Variants in CDK14 observed in about 807,000 individuals in gnomAD.
CDK14 encodes cyclin dependent kinase 14.
CDK14 carries 34 observed loss-of-function variants against 60.7 expected under a neutral mutation model. That is an observed-to-expected ratio of 0.56 (90% CI 0.43 to 0.75). The LOEUF (loss-of-function observed/expected upper bound fraction) is 0.75, where lower values mean the gene tolerates loss of function less well. CDK14 is among the 30% of genes least tolerant of loss of function. CDK14 has a pLI of 0.00. For synonymous variants in CDK14, 197 were observed against 203.7 expected (o/e 0.97, Z 0.28); for missense variants, 482 against 564.1 (o/e 0.85, Z 1.47).
At chr7:90,829,885 C>T (rs1176862886) in intron 5 of CDK14, among the ~76,000 whole-genome samples, 1 of 152,188 alleles carries the variant, frequency 6.6e-6, no homozygotes, top group Non-Finnish European at 1.5e-5. Context: ...TATCTCACAT[C>T]CAGGGCACTC....
intron 10 of CDK14, among the ~76,000 whole-genome samples, chr7:90,994,797 T>C (rs1417638444): frequency 6.6e-6 from 1 of 152,202 alleles, no homozygotes; most frequent in Non-Finnish European, 1.5e-5. Context: ...TGTGTCAGAC[T>C]GAAAAAGATG....
At chr7:90,616,693 T>C (rs1799657262) in intron 2 of CDK14, among the ~76,000 whole-genome samples, 1 of 152,204 alleles carries the variant, frequency 6.6e-6, no homozygotes, top group Non-Finnish European at 1.5e-5. Context: ...AATAAATGTG[T>C]ACTTGCAAGA....
intron 5 of CDK14, among the ~76,000 whole-genome samples, chr7:90,810,647 A>C (rs1275803000): frequency 6.6e-6 from 1 of 152,222 alleles, no homozygotes; most frequent in African/African-American, 2.4e-5. Flanking sequence ...AATAAAGGGT[A>C]TTCAATTAGG....
chr7:90,663,543 A>G (rs1800907382), intron 2 of CDK14, among the ~76,000 whole-genome samples: 1 of 152,196 alleles, frequency 6.6e-6, no homozygotes, highest in Non-Finnish European at 1.5e-5. Flanking sequence ...TTCTAGTGTG[A>G]GAAACTAGAA....
chr7:90,809,889 G>T (rs181630756), intron 5 of CDK14, among the ~76,000 whole-genome samples: 2 of 152,128 alleles, frequency 1.3e-5, no homozygotes, highest in East Asian at 1.9e-4. Context: ...ATAAATTCCT[G>T]GACACATACA....
rs987102817 is a variant in CDK14 at position 90,700,282 on chromosome 7, C to T, written c.124-26285C>T. Among the ~76,000 whole-genome samples the T allele has an allele frequency of 2.6e-5, 4 of 152,038 alleles. No homozygotes were observed. In the East Asian group the frequency reaches 7.7e-4, roughly 29 times the overall value. On this transcript the variant is annotated intron_variant, in intron 2 of 14. Transcript: ENST00000380050. ...CTGATTTTTGTATTTTTAGTAGAGA[C>T]GGGGTTTCACCATGTTGGCCAGGAT...
chr7:90,733,652 G>A (rs112651304), intron 3 of CDK14, among the ~76,000 whole-genome samples: 2,339 of 152,028 alleles, frequency 0.015, 21 homozygotes, highest in Middle Eastern at 0.027. Flanking sequence ...GTTGCTTTCC[G>A]TTTGGTTGGT....
chr7:90,940,810 T>G (rs905372514), intron 8 of CDK14, among the ~76,000 whole-genome samples: 5 of 152,088 alleles, frequency 3.3e-5, no homozygotes, highest in Non-Finnish European at 7.4e-5. Context: ...TATATCTATC[T>G]ATATCTGTAT....
chr7:90,607,947 G>A (rs1362435405), intron 2 of CDK14, among the ~76,000 whole-genome samples: 1 of 152,158 alleles, frequency 6.6e-6, no homozygotes, highest in Non-Finnish European at 1.5e-5. Flanking sequence ...ATGTTTGGAA[G>A]GGTTTGACAT....
chr7:91,084,699 GT>G (rs1798582152), intron 12 of CDK14, among the ~76,000 whole-genome samples: 2 of 152,176 alleles, frequency 1.3e-5, no homozygotes, highest in Non-Finnish European at 2.9e-5. Flanking sequence ...TTGGACACGC[GT>G]TTTTTGATCC....
intron 4 of CDK14, among the ~76,000 whole-genome samples, chr7:90,775,170 A>G (rs555478318): frequency 6.6e-6 from 1 of 152,296 alleles, no homozygotes; most frequent in South Asian, 2.1e-4. Flanking sequence ...ACATCTTTGG[A>G]CCAAGAGGCT....
At chr7:91,151,782 G>A (rs1344729028) in intron 14 of CDK14, among the ~76,000 whole-genome samples, 1 of 152,098 alleles carries the variant, frequency 6.6e-6, no homozygotes, top group Admixed American at 6.6e-5. Context: ...AGAATTCAGT[G>A]GTAGCTAAAT....
chr7:91,168,924 C>T (rs1361250994), intron 14 of CDK14, among the ~76,000 whole-genome samples: 1 of 152,212 alleles, frequency 6.6e-6, no homozygotes, highest in African/African-American at 2.4e-5. Flanking sequence ...CCCCCTCCCC[C>T]TCCACTGTGC....
chr7:90,930,162 A>C (rs187451597), intron 8 of CDK14, among the ~76,000 whole-genome samples: 116 of 152,000 alleles, frequency 7.6e-4, no homozygotes, highest in African/African-American at 2.6e-3. Flanking sequence ...TCATTTGACC[A>C]GTCTTTAAAT....
chr7:90,808,742 C>T (rs1040760547), intron 5 of CDK14, among the ~76,000 whole-genome samples: 6 of 152,070 alleles, frequency 3.9e-5, no homozygotes, highest in Admixed American at 3.9e-4. Context: ...CAGAGACACA[C>T]ATAGGCTCAA....
chr7:90,838,166 C>T (rs1022752688), intron 5 of CDK14, among the ~76,000 whole-genome samples: 3 of 152,126 alleles, frequency 2.0e-5, no homozygotes, highest in Non-Finnish European at 4.4e-5. Flanking sequence ...AAAATTAATA[C>T]TTTTATAATT....
rs778818423 is a variant in CDK14, at chr7:91,079,435, G to A, written c.1109G>A (p.Arg370His). 20 of 1,587,534 alleles carry A rather than the reference G, an allele frequency of 1.3e-5. No individual in the cohort carries two copies. In the South Asian group the frequency reaches 1.4e-4, roughly 11 times the overall value. The change falls in exon 12 of 15, where the codon CGC becomes CAC. Residue 370 changes from arginine (R) to histidine (H), a missense_variant. Arg to His is a conservative substitution (Grantham distance 29, BLOSUM62 0). Transcript: ENST00000380050. The part of the protein sequence containing the change: ...VHSLPHFKPE[R>H]FTLYSSKNLR... ...TCATTTTTCTTTTTTATTTCAGAAC[G>A]CTTTACCCTGTACAGCTCTAAAAAC...
intron 12 of CDK14, among the ~76,000 whole-genome samples, chr7:91,105,364 A>G (rs1799258077): frequency 1.3e-5 from 2 of 152,252 alleles, no homozygotes; most frequent in Non-Finnish European, 2.9e-5. Flanking sequence ...CCAGTAATGG[A>G]CTCAGAAATA....
chr7:91,138,548 G>A (rs553479713), intron 14 of CDK14, among the ~76,000 whole-genome samples: 50 of 152,036 alleles, frequency 3.3e-4, no homozygotes, highest in South Asian at 1.5e-3. Flanking sequence ...AATAGACCTA[G>A]GGAATTCTTT....
Sources: gnomAD v4.1 joint callset for allele counts (sites outside exome capture counted in the v4.1 genomes callset) on GRCh38, gnomAD v4.1.1 for gene constraint, MANE v1.5 for transcripts, NCBI Gene and HGNC (gene_info 2026-07-23, HGNC 2026-07-21) for gene names.